The following SLC25A21 variants were observed in gnomAD, a reference collection of about 807,000 sequenced individuals.
The protein encoded by SLC25A21 is mitochondrial 2-oxodicarboxylate carrier.
SLC25A21 carries 47 observed loss-of-function variants against 43.8 expected under a neutral mutation model. That is an observed-to-expected ratio of 1.07 (90% CI 0.85 to 1.37). SLC25A21 has a LOEUF of 1.37. Among genes scored for constraint, SLC25A21 ranks in the 40% most tolerant of loss-of-function variants. The pLI, the probability that SLC25A21 is intolerant of heterozygous loss-of-function variation, is 0.00. For missense variants in SLC25A21, 352 were observed against 350.2 expected (o/e 1.00, Z -0.04); for synonymous variants, 131 against 121.3 (o/e 1.08, Z -0.52).
chr14:36,891,436 T>TA (rs747077557), intron 1 of SLC25A21, among the ~76,000 whole-genome samples: 30 of 152,160 alleles, frequency 2.0e-4, no homozygotes, highest in Non-Finnish European at 4.4e-5. Flanking sequence ...TTTGAATAAA[T>TA]AGAGCAAAAT....
intron 1 of SLC25A21, among the ~76,000 whole-genome samples, chr14:37,128,132 T>C (rs969354607): frequency 6.6e-6 from 1 of 152,202 alleles, no homozygotes; most frequent in Non-Finnish European, 1.5e-5. Flanking sequence ...TCCCAGTCAA[T>C]AGGCATTTGT....
intron 1 of SLC25A21, among the ~76,000 whole-genome samples, chr14:37,143,128 G>A (rs1963598689): frequency 6.6e-6 from 1 of 152,192 alleles, no homozygotes; most frequent in South Asian, 2.1e-4. Context: ...CCTGTTTTAA[G>A]TTTACAGGTG....
chr14:36,865,184 G>A (rs1890180681), intron 2 of SLC25A21, among the ~76,000 whole-genome samples: 1 of 151,866 alleles, frequency 6.6e-6, no homozygotes, highest in African/African-American at 2.4e-5. Flanking sequence ...GCTAGAGGAG[G>A]CAGTGGATAC....
chr14:37,095,628 T>C (rs761008791), intron 1 of SLC25A21, among the ~76,000 whole-genome samples: 9 of 152,086 alleles, frequency 5.9e-5, no homozygotes, highest in Non-Finnish European at 1.0e-4. Context: ...CTCACACTTA[T>C]TAATCCCAGC....
chr14:36,841,581 A>G (rs1417559363), intron 2 of SLC25A21, among the ~76,000 whole-genome samples: 1 of 152,110 alleles, frequency 6.6e-6, no homozygotes, highest in Non-Finnish European at 1.5e-5. Context: ...ATTTCCTAAC[A>G]CAGGATCTGC....
intron 1 of SLC25A21, among the ~76,000 whole-genome samples, chr14:37,152,594 C>G (rs548524345): frequency 6.6e-6 from 1 of 151,948 alleles, no homozygotes; most frequent in Non-Finnish European, 1.5e-5. Context: ...GCCTGCAGAG[C>G]GCAGAGAAGT....
At chr14:36,935,811 A>G (rs1892408763) in intron 1 of SLC25A21, among the ~76,000 whole-genome samples, 1 of 152,106 alleles carries the variant, frequency 6.6e-6, no homozygotes, top group African/African-American at 2.4e-5. Flanking sequence ...CATTCCTTTC[A>G]ATCATCCTCT....
At position 36,875,051 on chromosome 14, in the gene SLC25A21, GTTC is replaced by G. The variant is rs1195533182; in HGVS notation, c.71-50_71-48del. On this transcript the variant is annotated intron_variant, in intron 1 of 9. Coordinates refer to ENST00000331299, the MANE Select transcript of SLC25A21 (RefSeq NM_030631.4). ...CCAATAAACACTTATGTAAACACTG[GTTC>G]TTATTTCCTTGATCCCGTCGATTTC... is the stretch of plus-strand genomic sequence containing the variant. 3.4e-6 allele frequency: 5 copies of G among 1,479,476 alleles called. No individual in the cohort carries two copies. The South Asian group carries it at 3.5e-5, about 10-fold the overall frequency. The allele number at this position is 1,479,476 out of a possible 1,614,324, so 91.6% of individuals were successfully genotyped here.
At chr14:36,981,721 G>T (rs971945145) in intron 1 of SLC25A21, among the ~76,000 whole-genome samples, 3 of 152,140 alleles carry the variant, frequency 2.0e-5, no homozygotes, top group Admixed American at 2.0e-4. Context: ...ATAGCATTAG[G>T]AGATATAGCT....
chr14:37,020,716 A>G (rs1960966900), intron 1 of SLC25A21, among the ~76,000 whole-genome samples: 1 of 151,938 alleles, frequency 6.6e-6, no homozygotes, highest in Non-Finnish European at 1.5e-5. Flanking sequence ...TTTGTCTTGC[A>G]GACAAAATGA....
At chr14:36,865,850 T>C (rs1365158173) in intron 2 of SLC25A21, among the ~76,000 whole-genome samples, 3 of 152,194 alleles carry the variant, frequency 2.0e-5, no homozygotes, top group Admixed American at 6.5e-5. Flanking sequence ...TAAGTGCATA[T>C]ATAACAACAC....
At chr14:36,832,744 TA>T (rs1253586369) in intron 2 of SLC25A21, among the ~76,000 whole-genome samples, 1 of 152,196 alleles carries the variant, frequency 6.6e-6, no homozygotes, top group Non-Finnish European at 1.5e-5. Context: ...TTTTTAAGAT[TA>T]TTTTTTAAAC....
At chr14:37,073,819 G>T (rs748629432) in intron 1 of SLC25A21, among the ~76,000 whole-genome samples, 2 of 151,970 alleles carry the variant, frequency 1.3e-5, no homozygotes, top group African/African-American at 4.8e-5. Context: ...TTAGCCTCCT[G>T]CGATCCCACT....
In SLC25A21 at chr14:36,722,919, C is replaced by T. The variant is rs571855559; in HGVS notation, c.438+2651G>A. 1.2e-4 allele frequency among the ~76,000 whole-genome samples: 19 copies of T among 152,308 alleles called. No homozygotes were observed. In the South Asian group the frequency reaches 3.3e-3, roughly 27 times the overall value. On this transcript the variant is annotated intron_variant, in intron 6 of 9. Transcript: ENST00000331299. The stretch of plus-strand genomic sequence containing the variant: ...CACTTCTCTTCCTCCTCTTCTTCCT[C>T]TTCCTCTACATCTCCCTTTTATACT...
intron 1 of SLC25A21, among the ~76,000 whole-genome samples, chr14:37,018,323 G>T (rs912109553): frequency 2.0e-5 from 3 of 151,782 alleles, no homozygotes; most frequent in Admixed American, 2.0e-4. Context: ...TTACAAATTG[G>T]CACCTCTCTC....
At chr14:37,048,193 A>G (rs1262675337) in intron 1 of SLC25A21, among the ~76,000 whole-genome samples, 1 of 152,184 alleles carries the variant, frequency 6.6e-6, no homozygotes. Flanking sequence ...AAAGGAAGCC[A>G]AGAAAAACGT....
At chr14:36,750,202 A>G (rs1238392537) in intron 3 of SLC25A21, among the ~76,000 whole-genome samples, 1 of 152,182 alleles carries the variant, frequency 6.6e-6, no homozygotes, top group East Asian at 1.9e-4. Flanking sequence ...TTCCTACCAA[A>G]TGTCCATTTT....
At chr14:37,099,031 G>A (rs974122154) in intron 1 of SLC25A21, among the ~76,000 whole-genome samples, 6 of 151,912 alleles carry the variant, frequency 3.9e-5, no homozygotes, top group African/African-American at 1.2e-4. Context: ...TTGAACCCCC[G>A]ACCTCAAGTG....
At chr14:37,162,683 A>G (rs1963965801) in intron 1 of SLC25A21, among the ~76,000 whole-genome samples, 1 of 152,162 alleles carries the variant, frequency 6.6e-6, no homozygotes, top group Non-Finnish European at 1.5e-5. Context: ...ACACTTTTAC[A>G]CTGTTGGTGG....
Sources: allele counts gnomAD v4.1 joint callset (sites outside exome capture counted in the v4.1 genomes callset), GRCh38; gene constraint gnomAD v4.1.1; transcripts MANE v1.5; gene names NCBI Gene and HGNC (gene_info 2026-07-23, HGNC 2026-07-21).